Variants in WASHC5 observed in about 807,000 individuals in gnomAD.
WASHC5 encodes the protein WASH complex subunit strumpellin.
Under a neutral mutation model 150.4 loss-of-function variants are expected in WASHC5, and 101 were observed. The ratio of observed to expected loss-of-function variants is 0.67; its 90% confidence interval spans 0.57 to 0.79. WASHC5 has a LOEUF of 0.79. Among genes scored for constraint, WASHC5 ranks in the 30% least tolerant of loss-of-function variants. The pLI is 0.00. For synonymous variants in WASHC5, 467 were observed against 491.2 expected (o/e 0.95, Z 0.65); for missense variants, 1,195 against 1,396.3 (o/e 0.86, Z 2.30).
chr8:125,043,958 T>C, intron 22 of WASHC5, 34 bp downstream of exon 22: 1 of 1,449,912 alleles, frequency 6.9e-7, no homozygotes, highest in Non-Finnish European at 9.1e-7. Flanking sequence ...GGCTACAGTG[T>C]CATCCCCGCC....
chr8:125,079,116 G>GTGTATATATATATA (rs370503575), intron 5 of WASHC5, among the ~76,000 whole-genome samples, 186 bp from the exon 6 acceptor site: 5 of 97,912 alleles, frequency 5.1e-5, no homozygotes, highest in African/African-American at 1.8e-4. Flanking sequence ...GTGTGTGTGT[G>GTGTATATATATATA]TATATATATA....
intron 10 of WASHC5, among the ~76,000 whole-genome samples, chr8:125,064,273 G>A (rs1016055751): frequency 6.6e-5 from 10 of 152,178 alleles, no homozygotes; most frequent in African/African-American, 2.2e-4. Flanking sequence ...GGTGATCATG[G>A]CTCACTACAA....
At chr8:125,059,318 G>C (rs752198345) in intron 13 of WASHC5, 21 bp from the exon 14 acceptor site, 1 of 1,613,340 alleles carries the variant, frequency 6.2e-7, no homozygotes, top group Non-Finnish European at 8.5e-7. Context: ...AAAAGAAACG[G>C]TAAGAAGATG....
At chr8:125,042,405 T>TGTTG (rs1815918095) in intron 23 of WASHC5, among the ~76,000 whole-genome samples, 1 of 152,194 alleles carries the variant, frequency 6.6e-6, no homozygotes, top group South Asian at 2.1e-4. Context: ...CACAGAACAT[T>TGTTG]TCCATTGTTG....
intron 1 of WASHC5, among the ~76,000 whole-genome samples, chr8:125,090,899 G>T (rs528341088): frequency 6.6e-5 from 10 of 152,296 alleles, no homozygotes; most frequent in Admixed American, 2.6e-4. Context: ...GTTCTGAAAT[G>T]AGGCTGAACC....
In WASHC5 at chr8:125,078,825, G is replaced by C. The variant is rs534575604; in HGVS notation, c.624C>G (p.Pro208=). ...QPGAKRPSNY[P]ESYFQRVPIN... is the part of the protein sequence containing the mutation. ...TAGGCACTCTCTGGAAATAGCTCTCGGGATAGTTGGATGGTCTTTTGGCAC... is the reference window on the plus strand; with the variant it reads ...TAGGCACTCTCTGGAAATAGCTCTCCGGATAGTTGGATGGTCTTTTGGCAC... Residue 208 remains proline, a synonymous_variant, in exon 6 of 29, where the codon CCC becomes CCG. Coordinates refer to ENST00000318410, the MANE Select transcript of WASHC5 (RefSeq NM_014846.4). 1.2e-6 allele frequency: 2 copies of C among 1,613,796 alleles called. No homozygotes were observed. Among genetic ancestry groups the C allele is most frequent in the African/African-American group, 1.3e-5 (1 of 74,986 alleles).
chr8:125,082,041 C>A (rs1019595723), intron 4 of WASHC5, among the ~76,000 whole-genome samples: 3 of 152,152 alleles, frequency 2.0e-5, no homozygotes, highest in Non-Finnish European at 2.9e-5. Context: ...ATTGTGTATA[C>A]CTCTTCATCA....
chr8:125,040,443 CAAT>C (rs918867921), intron 23 of WASHC5, among the ~76,000 whole-genome samples: 3 of 152,152 alleles, frequency 2.0e-5, no homozygotes, highest in Non-Finnish European at 2.9e-5. Flanking sequence ...AAAATTTTAA[CAAT>C]GATAGCCCCT....
rs1357486443 is a variant in WASHC5 at position 125,032,254 on chromosome 8, C to G, written c.3322G>C (p.Glu1108Gln). The G allele has an allele frequency of 7.4e-6, 12 of 1,613,996 alleles. No homozygotes were observed. Among genetic ancestry groups the G allele is most frequent in the Non-Finnish European group, 1.0e-5 (12 of 1,180,016 alleles). The change falls in exon 27 of 29, where the codon GAG becomes CAG. Residue 1108 changes from glutamate (E) to glutamine (Q), a missense_variant. Coordinates refer to ENST00000318410, the MANE Select transcript of WASHC5 (RefSeq NM_014846.4). ...GGTCTTCTGTACCTTGTACACTGCT[C>G]CACCGTGGAGCAGATAAACTGGCCA... ...LIGQFICSTVEQCTSQKIPEI... is the reference protein window; with the variant it reads ...LIGQFICSTVQQCTSQKIPEI...
chr8:125,030,151 T>C (rs1815484298), intron 27 of WASHC5, among the ~76,000 whole-genome samples: 1 of 152,220 alleles, frequency 6.6e-6, no homozygotes, highest in Non-Finnish European at 1.5e-5. Context: ...AAGAAGAACC[T>C]GTCCAAGTTG....
chr8:125,050,520 A>T (rs755660336), intron 18 of WASHC5, 44 bp downstream of exon 18: 2 of 1,386,426 alleles, frequency 1.4e-6, no homozygotes, highest in Non-Finnish European at 2.1e-6. Flanking sequence ...CCATGCTGCA[A>T]GCTGGGCGGA....
intron 23 of WASHC5, among the ~76,000 whole-genome samples, chr8:125,041,096 G>A (rs531027420): frequency 1.3e-5 from 2 of 152,230 alleles, no homozygotes; most frequent in Non-Finnish European, 2.9e-5. Context: ...GCAATGGTTG[G>A]ATGATAGGAA....
intron 9 of WASHC5, 45 bp from the exon 10 acceptor site, chr8:125,067,764 A>G (rs1248760459): frequency 1.1e-5 from 17 of 1,591,866 alleles, no homozygotes; most frequent in Non-Finnish European, 1.4e-5. Context: ...TGTGTAGAAA[A>G]TATCTATGAA....
Position 125,073,110 on chromosome 8 carries a change from T to C in WASHC5, c.1150+43A>G, listed in dbSNP as rs796768218. ...GAAGTAGGTCCTGATTCTGAGAGTCTTTATGTGGAGTAATATAAACGGCCA... is the reference window on the plus strand; with the variant it reads ...GAAGTAGGTCCTGATTCTGAGAGTCCTTATGTGGAGTAATATAAACGGCCA... On this transcript the variant is annotated intron_variant, in intron 9 of 28. Coordinates refer to ENST00000318410, the MANE Select transcript of WASHC5 (RefSeq NM_014846.4). The C allele has an allele frequency of 2.5e-6, 4 of 1,597,366 alleles. No homozygotes were observed. The African/African-American group carries it at 4.0e-5, about 16-fold the overall frequency.
chr8:125,057,830 T>C (rs985675506), intron 14 of WASHC5, among the ~76,000 whole-genome samples, 164 bp from the exon 15 acceptor site: 7 of 152,310 alleles, frequency 4.6e-5, no homozygotes, highest in African/African-American at 1.7e-4. Flanking sequence ...TTAACTGTGA[T>C]GGCAGTGGTT....
intron 17 of WASHC5, among the ~76,000 whole-genome samples, chr8:125,053,472 A>G (rs548790745): frequency 6.6e-6 from 1 of 152,322 alleles, no homozygotes; most frequent in South Asian, 2.1e-4. Flanking sequence ...TCCTTCTTAC[A>G]GTGGTCACTT....
intron 20 of WASHC5, 56 bp from the exon 21 acceptor site, chr8:125,044,754 G>A (rs1334299112): frequency 1.3e-6 from 2 of 1,560,152 alleles, no homozygotes; most frequent in Non-Finnish European, 1.8e-6. Flanking sequence ...TCCTTAAAGA[G>A]ATGTTAGGAC....
At chr8:125,089,716 A>G (rs557498737) in intron 1 of WASHC5, among the ~76,000 whole-genome samples, 1 of 152,354 alleles carries the variant, frequency 6.6e-6, no homozygotes, top group Non-Finnish European at 1.5e-5. Context: ...CATTCGGGGA[A>G]GCTTCAGTCT....
At chr8:125,029,783 C>T (rs1192260679) in intron 27 of WASHC5, among the ~76,000 whole-genome samples, 1 of 152,176 alleles carries the variant, frequency 6.6e-6, no homozygotes, top group African/African-American at 2.4e-5. Flanking sequence ...AATTCCTGTA[C>T]CAATTGGCAT....
Sources: allele counts gnomAD v4.1 joint callset (sites outside exome capture counted in the v4.1 genomes callset), GRCh38; gene constraint gnomAD v4.1.1; transcripts MANE v1.5; gene names NCBI Gene and HGNC (gene_info 2026-07-23, HGNC 2026-07-21).